Variants in SLC24A3 observed in about 807,000 individuals in gnomAD.
The protein encoded by SLC24A3 is solute carrier family 24 member 3.
SLC24A3 carries 28 observed loss-of-function variants against 75.8 expected under a neutral mutation model. The ratio of observed to expected loss-of-function variants is 0.37; its 90% CI spans 0.27 to 0.51. The LOEUF is 0.51. Among genes scored for constraint, SLC24A3 ranks in the 20% least tolerant of loss-of-function variants. The pLI, the probability that SLC24A3 is intolerant of heterozygous loss-of-function variation, is 0.94. For missense variants in SLC24A3, 663 were observed against 847.8 expected, an observed-to-expected ratio of 0.78 and a Z score of 2.71; for synonymous variants, 372 against 334.1, an observed-to-expected ratio of 1.11 and a Z score of -1.24.
intron 2 of SLC24A3, among the ~76,000 whole-genome samples, chr20:19,404,555 G>C (rs1056473707): frequency 2.6e-5 from 4 of 152,186 alleles, no homozygotes; most frequent in African/African-American, 9.7e-5. Context: ...CCTTCCATCA[G>C]CCTTTCTCCT....
chr20:19,515,590 T>C, intron 3 of SLC24A3, 26 bp downstream of exon 3: 2 of 1,611,312 alleles, frequency 1.2e-6, no homozygotes, highest in Non-Finnish European at 1.7e-6. Context: ...TGCCTCTGCC[T>C]GGAGGGTCCA....
chr20:19,465,562 C>T (rs1035736917), intron 2 of SLC24A3, among the ~76,000 whole-genome samples: 1 of 152,068 alleles, frequency 6.6e-6, no homozygotes, highest in Non-Finnish European at 1.5e-5. Flanking sequence ...ATTAGTGATT[C>T]TATAGAACAG....
At chr20:19,693,484 A>G in intron 13 of SLC24A3, 59 bp downstream of exon 13, 2 of 1,584,084 alleles carry the variant, frequency 1.3e-6, no homozygotes, top group Non-Finnish European at 1.7e-6. Flanking sequence ...AAAGAAGGGA[A>G]TAAGAGTCAG....
intron 2 of SLC24A3, among the ~76,000 whole-genome samples, chr20:19,492,382 G>A (rs1299562706): frequency 6.6e-6 from 1 of 152,206 alleles, no homozygotes; most frequent in Admixed American, 6.5e-5. Context: ...GTGCAATGGT[G>A]ACAACTCCAC....
At chr20:19,628,278 A>G (rs1487408066) in intron 6 of SLC24A3, among the ~76,000 whole-genome samples, 1 of 152,084 alleles carries the variant, frequency 6.6e-6, no homozygotes, top group East Asian at 1.9e-4. Context: ...GAGCACTCAT[A>G]TCACTGATGA....
intron 2 of SLC24A3, among the ~76,000 whole-genome samples, chr20:19,340,827 T>C (rs958434293): frequency 1.3e-5 from 2 of 152,224 alleles, no homozygotes; most frequent in African/African-American, 4.8e-5. Flanking sequence ...TATGATGTGA[T>C]TTGTTGAGGG....
chr20:19,367,240 C>T (rs1259548795), intron 2 of SLC24A3, among the ~76,000 whole-genome samples: 1 of 152,234 alleles, frequency 6.6e-6, no homozygotes, highest in African/African-American at 2.4e-5. Flanking sequence ...AATGTCCACT[C>T]TTCCTCAGCT....
At chr20:19,577,759 A>T (rs1298595554) in intron 3 of SLC24A3, among the ~76,000 whole-genome samples, 2 of 152,228 alleles carry the variant, frequency 1.3e-5, no homozygotes, top group Non-Finnish European at 2.9e-5. Context: ...TGTATTATGA[A>T]TGCCTTTCCT....
At chr20:19,715,253 C>G (rs57229008) in intron 15 of SLC24A3, among the ~76,000 whole-genome samples, 1 of 152,164 alleles carries the variant, frequency 6.6e-6, no homozygotes, top group Non-Finnish European at 1.5e-5. Flanking sequence ...AACCCATTTG[C>G]GATGCAGTCT....
chr20:19,247,820 C>G (rs1439128760), intron 1 of SLC24A3, among the ~76,000 whole-genome samples: 1 of 152,154 alleles, frequency 6.6e-6, no homozygotes. Flanking sequence ...TTTAAAGTTA[C>G]ATATGTGATT....
In SLC24A3 at chr20:19,236,064, C is replaced by T. The variant is rs539293569; in HGVS notation, c.142+23080C>T. ...CCTGACCACTTCTTCTATCTCATGG[C>T]GAACTTTTCTGTTTTTGAATTTATT... On this transcript the variant is annotated intron_variant, in intron 1 of 16. Transcript: ENST00000328041. Among the ~76,000 whole-genome samples, 16 of 152,302 alleles carry T rather than the reference C, an allele frequency of 1.1e-4. No homozygotes were observed. The South Asian group carries it at 2.7e-3, about 26-fold the overall frequency.
intron 2 of SLC24A3, among the ~76,000 whole-genome samples, chr20:19,389,060 A>G (rs1568606004): frequency 6.6e-6 from 1 of 152,106 alleles, no homozygotes; most frequent in African/African-American, 2.4e-5. Flanking sequence ...TAGTTATTGC[A>G]GTATATTTTA....
rs1030349905 is a variant in SLC24A3 at position 19,722,655 on chromosome 20, T to C, written c.*1515T>C. 6.5e-6 allele frequency: 1 copy of C among 152,688 alleles called. No homozygotes were observed. Among genetic ancestry groups the C allele is most frequent in the Non-Finnish European group, 1.5e-5 (1 of 68,048 alleles). The allele number at this position is 152,688 out of a possible 1,614,324, so 9.5% of individuals were successfully genotyped here. A position where few individuals can be genotyped will look rare whatever the true frequency, so the allele number is the denominator to read the frequency against. ...ATTCGGTATGGTTTTCCCTGTCCCT[T>C]GTACACATTCTGGTATGAATTTGTA... On this transcript the variant is annotated 3_prime_UTR_variant, in exon 17 of 17. Transcript: ENST00000328041.
chr20:19,698,522 C>G (rs1477412199), intron 14 of SLC24A3, 46 bp from the exon 15 acceptor site: 2 of 1,468,832 alleles, frequency 1.4e-6, no homozygotes, highest in African/African-American at 2.8e-5. Context: ...CTGTGTGGGG[C>G]CCCTGGGTTC....
intron 2 of SLC24A3, among the ~76,000 whole-genome samples, chr20:19,476,517 T>C (rs374574804): frequency 6.6e-5 from 10 of 152,192 alleles, no homozygotes; most frequent in South Asian, 6.2e-4. Flanking sequence ...CTGGCTTTCA[T>C]TGAAATTCAA....
At chr20:19,653,343 C>A (rs1202010858) in intron 6 of SLC24A3, among the ~76,000 whole-genome samples, 1 of 152,208 alleles carries the variant, frequency 6.6e-6, no homozygotes, top group African/African-American at 2.4e-5. Flanking sequence ...TTAAAAAGGG[C>A]TATCTCCAAA....
rs193293047 is a variant in SLC24A3, at chr20:19,507,135, C to G, written c.272-8353C>G. ...TTTTGTGGATAATTTTGTTCAGGGG[C>G]CTTTATTTATGACAAATGTGTTAAT... On this transcript the variant is annotated intron_variant, in intron 2 of 16. Coordinates refer to ENST00000328041, the MANE Select transcript of SLC24A3 (RefSeq NM_020689.4). 1.8e-3 allele frequency among the ~76,000 whole-genome samples: 275 copies of G among 152,254 alleles called. 1 individual carries two copies. The highest frequency in any genetic ancestry group is 6.3e-3 in the African/African-American group (261 of 41,534).
At chr20:19,447,885 G>A (rs1987413695) in intron 2 of SLC24A3, among the ~76,000 whole-genome samples, 1 of 152,198 alleles carries the variant, frequency 6.6e-6, no homozygotes, top group Admixed American at 6.5e-5. Flanking sequence ...ATCACAGAGT[G>A]GGTACTTCGT....
intron 1 of SLC24A3, among the ~76,000 whole-genome samples, chr20:19,245,244 CATATT>C: frequency 6.6e-6 from 1 of 152,006 alleles, no homozygotes; most frequent in East Asian, 1.9e-4. Context: ...AAGAAATTAA[CATATT>C]ATAGTAATGG....
Sources: gnomAD v4.1 joint callset for allele counts (sites outside exome capture counted in the v4.1 genomes callset) on GRCh38, gnomAD v4.1.1 for gene constraint, MANE v1.5 for transcripts, NCBI Gene and HGNC (gene_info 2026-07-23, HGNC 2026-07-21) for gene names.